Variants in ANK3 observed in about 807,000 individuals in gnomAD.
ANK3 encodes the protein ankyrin-3.
Under a neutral mutation model 370.9 loss-of-function variants are expected in ANK3, and 57 were observed. The observed-to-expected ratio is 0.15, with a 90% CI of 0.12 to 0.19. The LOEUF (loss-of-function observed/expected upper bound fraction) is 0.19, where lower values mean the gene tolerates loss of function less well. Among genes scored for constraint, ANK3 ranks in the 10% least tolerant of loss-of-function variants. The pLI, the probability that ANK3 is intolerant of heterozygous loss-of-function variation, is 1.00. For synonymous variants in ANK3, 1,929 were observed against 1,946.3 expected (o/e 0.99, Z 0.23); for missense variants, 4,439 against 5,302.1 (o/e 0.84, Z 5.06).
At chr10:60,037,543 T>C (rs557057082) in intron 43 of ANK3, among the ~76,000 whole-genome samples, 39 of 152,338 alleles carry the variant, frequency 2.6e-4, no homozygotes, top group African/African-American at 8.7e-4. Context: ...ACATATGGTA[T>C]TTGGTTTTCT....
intron 1 of ANK3, among the ~76,000 whole-genome samples, chr10:60,341,092 C>T (rs1442186939): frequency 1.3e-5 from 2 of 152,154 alleles, no homozygotes; most frequent in Non-Finnish European, 2.9e-5. Context: ...GCCATCTGAC[C>T]ACTTCCTCAG....
At chr10:60,158,267 A>G (rs961128533) in intron 23 of ANK3, among the ~76,000 whole-genome samples, 1 of 152,214 alleles carries the variant, frequency 6.6e-6, no homozygotes. Flanking sequence ...AATGAGCAAC[A>G]AGAAATCATT....
upstream of ANK3, among the ~76,000 whole-genome samples, chr10:60,392,502 C>T (rs1308462545): frequency 6.6e-6 from 1 of 152,160 alleles, no homozygotes; most frequent in South Asian, 2.1e-4. Context: ...AGTACAAGGT[C>T]CAGTCAGGCC....
chr10:60,697,221 G>C (rs978705554), intron 1 of ANK3, among the ~76,000 whole-genome samples: 4 of 149,614 alleles, frequency 2.7e-5, no homozygotes, highest in South Asian at 2.1e-4. Context: ...TCTTCAAGGA[G>C]AACTACAAAC....
At chr10:60,670,619 C>T (rs963961589) in intron 1 of ANK3, among the ~76,000 whole-genome samples, 3 of 152,194 alleles carry the variant, frequency 2.0e-5, no homozygotes, top group Non-Finnish European at 4.4e-5. Context: ...CACCATGTCA[C>T]TCCCTGGCTT....
chr10:60,426,575 A>G (rs2063892709), intron 2 of ANK3, among the ~76,000 whole-genome samples: 1 of 152,126 alleles, frequency 6.6e-6, no homozygotes, highest in African/African-American at 2.4e-5. Flanking sequence ...AATCATCCAG[A>G]TGATGAAATC....
At chr10:60,505,737 G>C (rs1209130198) in intron 2 of ANK3, among the ~76,000 whole-genome samples, 1 of 151,990 alleles carries the variant, frequency 6.6e-6, no homozygotes, top group East Asian at 1.9e-4. Flanking sequence ...GTTTCTTTTG[G>C]ACCCCATAAA....
intron 1 of ANK3, among the ~76,000 whole-genome samples, chr10:60,293,248 C>A (rs577621210): frequency 5.3e-5 from 8 of 152,158 alleles, no homozygotes; most frequent in African/African-American, 1.9e-4. Flanking sequence ...CATCTCATCA[C>A]GCCTTCATTT....
intron 1 of ANK3, among the ~76,000 whole-genome samples, chr10:60,297,310 T>C (rs754124385): frequency 9.2e-5 from 14 of 152,178 alleles, no homozygotes; most frequent in Non-Finnish European, 1.9e-4. Context: ...CGATCATGAA[T>C]ATCTACAAAG....
At chr10:60,469,222 CAT>C (rs200328744) in intron 2 of ANK3, among the ~76,000 whole-genome samples, 6,421 of 10,362 alleles carry the variant, frequency 0.62, 1,537 homozygotes, top group African/African-American at 0.65. Context: ...ACTTTTAGTG[CAT>C]ATATATATAT....
chr10:60,406,169 A>G (rs564347180), intron 2 of ANK3, among the ~76,000 whole-genome samples: 3 of 152,236 alleles, frequency 2.0e-5, no homozygotes, highest in Non-Finnish European at 4.4e-5. Context: ...TTTCCAGACC[A>G]TACATAATAC....
chr10:60,329,558 T>C (rs2050709261), intron 1 of ANK3, among the ~76,000 whole-genome samples: 1 of 152,002 alleles, frequency 6.6e-6, no homozygotes, highest in African/African-American at 2.4e-5. Context: ...TTAAAATACC[T>C]AGGAATACAA....
At chr10:60,684,172 G>A (rs932984786) in intron 1 of ANK3, among the ~76,000 whole-genome samples, 2 of 152,230 alleles carry the variant, frequency 1.3e-5, no homozygotes, top group African/African-American at 4.8e-5. Flanking sequence ...TTGGAAGGGA[G>A]GGAGAAGCAG....
intron 7 of ANK3, among the ~76,000 whole-genome samples, chr10:60,255,657 AG>A (rs879508988): frequency 6.7e-6 from 1 of 148,876 alleles, no homozygotes; most frequent in African/African-American, 2.5e-5. Flanking sequence ...ATGACATTGA[AG>A]GGAAGGAAGG....
intron 14 of ANK3, among the ~76,000 whole-genome samples, chr10:60,197,460 T>C (rs1265896887): frequency 6.6e-6 from 1 of 152,138 alleles, no homozygotes. Context: ...CTAAAAGGAA[T>C]GTGCAGCTGG....
chr10:60,245,799 T>C (rs993761193), intron 7 of ANK3, among the ~76,000 whole-genome samples: 2 of 152,222 alleles, frequency 1.3e-5, no homozygotes, highest in Non-Finnish European at 2.9e-5. Flanking sequence ...CAGGAAAATT[T>C]CTAATATTTG....
chr10:60,124,598 C>T (rs771328513), intron 25 of ANK3, among the ~76,000 whole-genome samples: 9 of 152,204 alleles, frequency 5.9e-5, no homozygotes, highest in Admixed American at 1.3e-4. Context: ...TCAGAGCTGC[C>T]TGCTGGATTA....
chr10:60,310,981 C>T (rs1030730044), intron 1 of ANK3, among the ~76,000 whole-genome samples: 2 of 152,152 alleles, frequency 1.3e-5, no homozygotes, highest in African/African-American at 4.8e-5. Context: ...TGCATTCCAG[C>T]CACCTTTAAT....
At chr10:60,165,443 A>G (rs2095601288) in intron 23 of ANK3, among the ~76,000 whole-genome samples, 1 of 152,224 alleles carries the variant, frequency 6.6e-6, no homozygotes, top group Admixed American at 6.5e-5. Flanking sequence ...AGCCTTTAGC[A>G]TTTATCAAAA....
Sources: allele counts gnomAD v4.1 joint callset (sites outside exome capture counted in the v4.1 genomes callset), GRCh38; gene constraint gnomAD v4.1.1; transcripts MANE v1.5; gene names NCBI Gene and HGNC (gene_info 2026-07-23, HGNC 2026-07-21).